Variants in SEMA5A observed in about 807,000 individuals in gnomAD.
SEMA5A encodes semaphorin 5A, also known as semaphorin-5A.
Under a neutral mutation model 135.5 loss-of-function variants are expected in SEMA5A, and 55 were observed. That is an observed-to-expected ratio of 0.41 (90% confidence interval 0.33 to 0.51). SEMA5A has a LOEUF of 0.51. SEMA5A is among the 20% of genes least tolerant of loss of function. The pLI, the probability that SEMA5A is intolerant of heterozygous loss-of-function variation, is 0.37. For missense variants in SEMA5A, 1,290 were observed against 1,419.9 expected, an observed-to-expected ratio of 0.91 and a Z score of 1.47; for synonymous variants, 580 against 546.5, an observed-to-expected ratio of 1.06 and a Z score of -0.85.
At chr5:9,339,848 A>G (rs1753565970) in intron 3 of SEMA5A, among the ~76,000 whole-genome samples, 1 of 152,248 alleles carries the variant, frequency 6.6e-6, no homozygotes, top group Non-Finnish European at 1.5e-5. Flanking sequence ...TGGTCTGGAA[A>G]GAGTAGAGAA....
chr5:9,484,962 G>A (rs1439562161), intron 1 of SEMA5A, among the ~76,000 whole-genome samples: 1 of 152,146 alleles, frequency 6.6e-6, no homozygotes, highest in Admixed American at 6.5e-5. Flanking sequence ...ATGTGGACCT[G>A]AATTTGAATT....
chr5:9,333,566 T>A (rs113090330), intron 4 of SEMA5A, among the ~76,000 whole-genome samples: 4,339 of 152,324 alleles, frequency 0.028, 86 homozygotes, highest in Non-Finnish European at 0.045. Flanking sequence ...CAATCTGCAG[T>A]GAAACTTACA....
At chr5:9,073,719 CA>C (rs960569296) in intron 16 of SEMA5A, among the ~76,000 whole-genome samples, 1 of 150,976 alleles carries the variant, frequency 6.6e-6, no homozygotes, top group Admixed American at 6.6e-5. Context: ...TGGAGTCTAC[CA>C]AAAAAAAGCT....
At chr5:9,200,420 C>T (rs980342413) in intron 9 of SEMA5A, among the ~76,000 whole-genome samples, 7 of 152,218 alleles carry the variant, frequency 4.6e-5, no homozygotes, top group African/African-American at 1.4e-4. Flanking sequence ...AAACCAGACT[C>T]TCCTTGTGCA....
chr5:9,145,641 CTTTTTTTT>C (rs36054284), intron 12 of SEMA5A, among the ~76,000 whole-genome samples: 2 of 117,536 alleles, frequency 1.7e-5, no homozygotes, highest in East Asian at 5.0e-4. Flanking sequence ...AAGAAGAAAA[CTTTTTTTT>C]TTTTTTTTTT....
chr5:9,315,492 T>G (rs1455103190), intron 5 of SEMA5A, among the ~76,000 whole-genome samples: 1 of 152,212 alleles, frequency 6.6e-6, no homozygotes, highest in Non-Finnish European at 1.5e-5. Context: ...AAAATATATC[T>G]GCTGCAAGAT....
At chr5:9,540,854 T>G (rs566814149) in intron 1 of SEMA5A, among the ~76,000 whole-genome samples, 1 of 152,276 alleles carries the variant, frequency 6.6e-6, no homozygotes, top group East Asian at 1.9e-4. Context: ...TCTCCGGTTT[T>G]GTTTTGTTTT....
chr5:9,469,002 T>TTTTGC (rs1759373685), intron 1 of SEMA5A, among the ~76,000 whole-genome samples: 2 of 152,108 alleles, frequency 1.3e-5, no homozygotes, highest in South Asian at 2.1e-4. Context: ...GATTTTTTTG[T>TTTTGC]TTTGTTTTGT....
At chr5:9,281,551 T>C (rs2150564856) in intron 5 of SEMA5A, among the ~76,000 whole-genome samples, 1 of 152,330 alleles carries the variant, frequency 6.6e-6, no homozygotes, top group Non-Finnish European at 1.5e-5. Flanking sequence ...GAAACCCTAG[T>C]TTATATGAAA....
intron 16 of SEMA5A, among the ~76,000 whole-genome samples, chr5:9,100,917 C>A (rs1739593819): frequency 6.6e-6 from 1 of 152,008 alleles, no homozygotes; most frequent in Non-Finnish European, 1.5e-5. Flanking sequence ...TTCTGCAGTG[C>A]ACAACCTGCA....
At chr5:9,394,433 G>A (rs996070900) in intron 2 of SEMA5A, among the ~76,000 whole-genome samples, 1 of 152,188 alleles carries the variant, frequency 6.6e-6, no homozygotes, top group African/African-American at 2.4e-5. Context: ...TTCCTGTGAT[G>A]TGGGATACGG....
chr5:9,459,454 T>G (rs1758973515), intron 1 of SEMA5A, among the ~76,000 whole-genome samples: 1 of 152,204 alleles, frequency 6.6e-6, no homozygotes, highest in Non-Finnish European at 1.5e-5. Context: ...GCAGGCAGCC[T>G]CTAGAGCTGA....
At chr5:9,444,172 AT>A (rs552404221) in intron 1 of SEMA5A, among the ~76,000 whole-genome samples, 1,645 of 146,564 alleles carry the variant, frequency 0.011, 28 homozygotes, top group African/African-American at 0.041. Flanking sequence ...TTTTTAGTTT[AT>A]TTTTTTTAAT....
At chr5:9,476,286 T>G (rs1759664216) in intron 1 of SEMA5A, among the ~76,000 whole-genome samples, 1 of 152,162 alleles carries the variant, frequency 6.6e-6, no homozygotes, top group African/African-American at 2.4e-5. Flanking sequence ...TCAATTAATG[T>G]TGATAGAAAT....
rs1176648137 is a variant in SEMA5A, at chr5:9,190,424, A to T, written c.1116T>A (p.Asn372Lys). Residue 372 changes from asparagine to lysine, a missense_variant, in exon 11 of 23, where the codon AAT (asparagine) becomes AAA (lysine). Around this residue, in one of 3 missense-constraint regions of SEMA5A, gnomAD observed 1,029 missense variants for 1,086.6 expected, o/e 0.95. Transcript: ENST00000382496. Reference sequence around the variant, plus strand: ...GAATGAACTTCTGAGCATCCTGCAGATTTCTCTCGGTCAGGTTCACGTACA... The same window carrying T: ...GAATGAACTTCTGAGCATCCTGCAGTTTTCTCTCGGTCAGGTTCACGTACA... ...QGLYVNLTER[N>K]LQDAQKFILM... The T allele has an allele frequency of 6.2e-7, 1 of 1,613,650 alleles. No individual in the cohort carries two copies. Among genetic ancestry groups the T allele is most frequent in the Admixed American group, 1.7e-5 (1 of 59,986 alleles).
At chr5:9,050,734 C>A (rs552180697) in intron 20 of SEMA5A, among the ~76,000 whole-genome samples, 2 of 152,328 alleles carry the variant, frequency 1.3e-5, no homozygotes, top group African/African-American at 4.8e-5. Context: ...GGAATGTGCT[C>A]ATTTTCCATT....
At chr5:9,342,096 A>G (rs1753679008) in intron 3 of SEMA5A, among the ~76,000 whole-genome samples, 1 of 152,186 alleles carries the variant, frequency 6.6e-6, no homozygotes, top group Admixed American at 6.5e-5. Flanking sequence ...AGAAAGAAAA[A>G]AAAATCAAAG....
intron 5 of SEMA5A, among the ~76,000 whole-genome samples, chr5:9,242,951 C>T (rs1487867644): frequency 6.6e-6 from 1 of 152,130 alleles, no homozygotes; most frequent in Non-Finnish European, 1.5e-5. Context: ...ATTTTTAAAG[C>T]CCTTATGCTA....
intron 2 of SEMA5A, among the ~76,000 whole-genome samples, chr5:9,413,383 A>T (rs448038): frequency 2.6e-5 from 4 of 152,124 alleles, no homozygotes; most frequent in Non-Finnish European, 4.4e-5. Context: ...GCCTTTGGAA[A>T]GATTTTGAAA....
Sources: allele counts gnomAD v4.1 joint callset (sites outside exome capture counted in the v4.1 genomes callset), GRCh38; gene constraint gnomAD v4.1.1; regional missense constraint gnomAD v4.1.1; transcripts MANE v1.5; gene names NCBI Gene and HGNC (gene_info 2026-07-23, HGNC 2026-07-21).